MBNL1: variants seen among roughly 807,000 people sequenced by gnomAD.
The protein encoded by MBNL1 is muscleblind like splicing regulator 1, also known as muscleblind-like protein 1.
In MBNL1, 8 loss-of-function variants were observed where a neutral mutation model predicts 42.2. That is an observed-to-expected ratio of 0.19 (90% CI 0.11 to 0.34). The LOEUF (loss-of-function observed/expected upper bound fraction) is 0.34, where lower values mean the gene tolerates loss of function less well. Ranked by LOEUF, MBNL1 falls within the 10% of genes least tolerant of loss-of-function variation. MBNL1 has a pLI of 1.00. For missense variants in MBNL1, 309 were observed against 495.3 expected, an observed-to-expected ratio of 0.62 and a Z score of 3.57; for synonymous variants, 169 against 173.9, an observed-to-expected ratio of 0.97 and a Z score of 0.22.
chr3:152,280,506 T>A (rs190773937), intron 1 of MBNL1, among the ~76,000 whole-genome samples: 1 of 152,104 alleles, frequency 6.6e-6, no homozygotes, highest in African/African-American at 2.4e-5. Context: ...GCTGGCAGTT[T>A]TGGAGAAAGG....
chr3:152,441,336 A>T (rs1033745341), intron 4 of MBNL1, among the ~76,000 whole-genome samples: 44 of 152,278 alleles, frequency 2.9e-4, no homozygotes, highest in African/African-American at 9.9e-4. Flanking sequence ...AAATGACAGG[A>T]TTATTCATAT....
chr3:152,404,141 G>GA (rs1039687103), intron 2 of MBNL1, among the ~76,000 whole-genome samples: 1 of 152,198 alleles, frequency 6.6e-6, no homozygotes, highest in Non-Finnish European at 1.5e-5. Context: ...CACAGATTTA[G>GA]AAAGGAGTGC....
chr3:152,355,856 C>T (rs1007683593), intron 2 of MBNL1, among the ~76,000 whole-genome samples: 2 of 152,150 alleles, frequency 1.3e-5, no homozygotes, highest in African/African-American at 2.4e-5. Context: ...TTTCAGTATT[C>T]TAGTTGATAG....
rs186108167 is a variant in MBNL1 at position 152,306,168 on chromosome 3, T to A, written c.174+5801T>A. On this transcript the variant is annotated intron_variant, in intron 2 of 9. Coordinates refer to ENST00000324210, the MANE Select transcript of MBNL1 (RefSeq NM_021038.5). ...CCATCTTTAGAACTATTGGTTCCGA[T>A]CTTAAATATGTCTTTCCATAGTCAC... Among the ~76,000 whole-genome samples the A allele has an allele frequency of 7.2e-5, 11 of 152,334 alleles. No individual in the cohort carries two copies. In the East Asian group the frequency reaches 2.1e-3, roughly 29 times the overall value.
chr3:152,313,812 C>T (rs1409539263), intron 2 of MBNL1, among the ~76,000 whole-genome samples: 2 of 152,102 alleles, frequency 1.3e-5, no homozygotes, highest in African/African-American at 2.4e-5. Flanking sequence ...GAAAATAACC[C>T]CTTAACCTCT....
chr3:152,444,733 G>T (rs1162978638), intron 4 of MBNL1, among the ~76,000 whole-genome samples: 1 of 152,188 alleles, frequency 6.6e-6, no homozygotes, highest in Admixed American at 6.5e-5. Context: ...CCTCCAGCTT[G>T]TGATAATATC....
intron 1 of MBNL1, among the ~76,000 whole-genome samples, chr3:152,286,696 T>A (rs2052519550): frequency 6.6e-6 from 1 of 151,522 alleles, no homozygotes; most frequent in Non-Finnish European, 1.5e-5. Context: ...AATATCACAA[T>A]CTGTAAAGCA....
At chr3:152,386,820 G>A (rs777257311) in intron 2 of MBNL1, among the ~76,000 whole-genome samples, 2 of 151,958 alleles carry the variant, frequency 1.3e-5, no homozygotes, top group African/African-American at 2.4e-5. Flanking sequence ...ACTTTTTAAA[G>A]CAGCATATTT....
rs530825519 is a variant in MBNL1, at chr3:152,279,878, G to C, written c.-790+10786G>C. On this transcript the variant is annotated intron_variant, in intron 1 of 9. Transcript: ENST00000324210. ...ATTTATACATCAGTCTCTGCTCTCTGTAACTTTACATGTGATGTAGCCTGT... is the reference window on the plus strand; with the variant it reads ...ATTTATACATCAGTCTCTGCTCTCTCTAACTTTACATGTGATGTAGCCTGT... Among the ~76,000 whole-genome samples, 3 of 152,216 alleles carry C rather than the reference G, an allele frequency of 2.0e-5. No individual in the cohort carries two copies. In the East Asian group the frequency reaches 5.8e-4, roughly 29 times the overall value.
At chr3:152,443,016 TTGAC>T (rs2099163745) in intron 4 of MBNL1, among the ~76,000 whole-genome samples, 3 of 152,102 alleles carry the variant, frequency 2.0e-5, no homozygotes, top group Admixed American at 2.0e-4. Context: ...GCAAAAGCAG[TTGAC>T]TAAGTTTTTT....
chr3:152,444,060 C>T (rs1375553797), intron 4 of MBNL1, among the ~76,000 whole-genome samples: 2 of 152,140 alleles, frequency 1.3e-5, no homozygotes, highest in South Asian at 2.1e-4. Context: ...CTTCCTAAGT[C>T]GTAGTAGGGT....
intron 2 of MBNL1, among the ~76,000 whole-genome samples, chr3:152,246,486 C>T (rs1005890799): frequency 2.0e-5 from 3 of 151,672 alleles, no homozygotes; most frequent in East Asian, 3.9e-4. Context: ...AATGAGTGCT[C>T]ATCTGAGTTT....
chr3:152,249,657 C>T (rs1409098769), intron 2 of MBNL1, among the ~76,000 whole-genome samples: 3 of 151,048 alleles, frequency 2.0e-5, no homozygotes, highest in Admixed American at 6.6e-5. Flanking sequence ...CTTTTGTTGC[C>T]ATTCTTTTTG....
At chr3:152,417,158 C>T (rs1233838555) in intron 3 of MBNL1, among the ~76,000 whole-genome samples, 2 of 152,158 alleles carry the variant, frequency 1.3e-5, no homozygotes, top group Non-Finnish European at 2.9e-5. Context: ...GGAAATTTGC[C>T]TTCAAAACCT....
Position 152,300,162 on chromosome 3 carries a change from C to G in MBNL1, c.-32C>G, listed in dbSNP as rs1434747821. The G allele has an allele frequency of 6.8e-7, 1 of 1,481,452 alleles. No individual in the cohort carries two copies. Among genetic ancestry groups the G allele is most frequent in the South Asian group, 1.3e-5 (1 of 76,852 alleles). 91.8% of individuals were successfully genotyped at this position (1,481,452 alleles called of 1,614,324 possible). On this transcript the variant is annotated 5_prime_UTR_variant, in exon 2 of 10. Coordinates refer to ENST00000324210, the MANE Select transcript of MBNL1 (RefSeq NM_021038.5). ...GGGGGGGTTGGGTTTGTTGGTTTCACTGAAACATTTAACTACCTGTAAAAT... is the reference window on the plus strand; with the variant it reads ...GGGGGGGTTGGGTTTGTTGGTTTCAGTGAAACATTTAACTACCTGTAAAAT...
At chr3:152,382,087 G>C (rs1367467195) in intron 2 of MBNL1, among the ~76,000 whole-genome samples, 1 of 151,974 alleles carries the variant, frequency 6.6e-6, no homozygotes, top group Non-Finnish European at 1.5e-5. Context: ...ATTTAGACTT[G>C]TTTAGTAAGC....
intron 1 of MBNL1, among the ~76,000 whole-genome samples, chr3:152,298,346 CT>C (rs141682114): frequency 0.011 from 1,690 of 152,240 alleles, 36 homozygotes; most frequent in African/African-American, 0.039. Context: ...TAAAAATGCC[CT>C]GCTCTAAGAA....
At chr3:152,399,185 G>A (rs1165378080) in intron 2 of MBNL1, among the ~76,000 whole-genome samples, 1 of 152,162 alleles carries the variant, frequency 6.6e-6, no homozygotes, top group Non-Finnish European at 1.5e-5. Context: ...TACAGTAGGT[G>A]AATAAATATA....
At chr3:152,331,909 C>T (rs1021212466) in intron 2 of MBNL1, among the ~76,000 whole-genome samples, 1 of 152,116 alleles carries the variant, frequency 6.6e-6, no homozygotes, top group Non-Finnish European at 1.5e-5. Flanking sequence ...CCAGGCTGGT[C>T]TTGAACTCTT....
Sources: gnomAD v4.1 joint callset for allele counts (sites outside exome capture counted in the v4.1 genomes callset) on GRCh38, gnomAD v4.1.1 for gene constraint, MANE v1.5 for transcripts, NCBI Gene and HGNC (gene_info 2026-07-23, HGNC 2026-07-21) for gene names.